Variants in ARHGEF2 observed in about 807,000 individuals in gnomAD.
ARHGEF2 encodes Rho/Rac guanine nucleotide exchange factor 2, also known as rho guanine nucleotide exchange factor 2.
ARHGEF2 carries 22 observed loss-of-function variants against 121.0 expected under a neutral mutation model. The observed-to-expected ratio is 0.18, with a 90% CI of 0.13 to 0.26. The LOEUF (loss-of-function observed/expected upper bound fraction) is 0.26. ARHGEF2 is among the 10% of genes least tolerant of loss of function. ARHGEF2 has a pLI of 1.00. For synonymous variants in ARHGEF2, 487 were observed against 530.0 expected, an observed-to-expected ratio of 0.92 and a Z score of 1.11; for missense variants, 907 against 1,336.0, an observed-to-expected ratio of 0.68 and a Z score of 5.01.
At position 155,951,353 on chromosome 1, in the gene ARHGEF2, A is replaced by T; in HGVS notation, c.2260-81T>A. Reference sequence around the variant, plus strand: ...CTCGCCTTCACCCTCCAAGGCCCAGATCATCGCTCCTGGAGAGCTTGGATT... The same window carrying T: ...CTCGCCTTCACCCTCCAAGGCCCAGTTCATCGCTCCTGGAGAGCTTGGATT... On this transcript the variant is annotated intron_variant, in intron 19 of 21. Coordinates refer to ENST00000361247, the MANE Select transcript of ARHGEF2 (RefSeq NM_001162383.2). This position sits in a 1 kb window ranked among gnomAD's most constrained non-coding sequence, Gnocchi z 5.1. The T allele has an allele frequency of 6.4e-7, 1 of 1,565,666 alleles. No individual in the cohort carries two copies. Among genetic ancestry groups the T allele is most frequent in the East Asian group, 2.3e-5 (1 of 44,340 alleles).
chr1:155,961,085 G>A lies in ARHGEF2; in HGVS notation c.1468+576C>T, dbSNP rs1677810462. ...TGTCCTCCAGTCTGAGAGCTTCTTT[G>A]TCTTCCTCAGTAAAACTAGTAGCTC... is the stretch of plus-strand genomic sequence containing the variant. On this transcript the variant is annotated intron_variant, in intron 11 of 21. Coordinates refer to ENST00000361247, the MANE Select transcript of ARHGEF2 (RefSeq NM_001162383.2). This position sits in a 1 kb window ranked among gnomAD's most constrained non-coding sequence, Gnocchi z 4.7. Among the ~76,000 whole-genome samples, 1 of 152,084 alleles carries A rather than the reference G, an allele frequency of 6.6e-6. No individual in the cohort carries two copies.
chr1:155,947,278 T>G lies in ARHGEF2; in HGVS notation c.*664A>C. 1 of 440,276 alleles carries G rather than the reference T, an allele frequency of 2.3e-6. No individual in the cohort carries two copies. The highest frequency in any genetic ancestry group is 1.6e-5 in the South Asian group (1 of 62,514). The allele number at this position is 440,276 out of a possible 1,614,324, so 27.3% of individuals were successfully genotyped here. On this transcript the variant is annotated 3_prime_UTR_variant, in exon 22 of 22. Coordinates refer to ENST00000361247, the MANE Select transcript of ARHGEF2 (RefSeq NM_001162383.2). ...AAAACAAAAGAACAACAAAACATTCTGGTCCCTGTGGGTTTTTTCCCTCAC... is the reference window on the plus strand; with the variant it reads ...AAAACAAAAGAACAACAAAACATTCGGGTCCCTGTGGGTTTTTTCCCTCAC...
At position 155,951,765 on chromosome 1, in the gene ARHGEF2, T is replaced by C; in HGVS notation, c.2184A>G (p.Gly728=). The C allele has an allele frequency of 6.2e-7, 1 of 1,614,028 alleles. No individual in the cohort carries two copies. Among genetic ancestry groups the C allele is most frequent in the Non-Finnish European group, 8.5e-7 (1 of 1,180,010 alleles). Residue 728 remains glycine (G), a synonymous_variant, in exon 18 of 22, where the codon GGA becomes GGG. Coordinates refer to ENST00000361247, the MANE Select transcript of ARHGEF2 (RefSeq NM_001162383.2). This position sits in a 1 kb window ranked among gnomAD's most constrained non-coding sequence, Gnocchi z 5.1. ...DSDSSQRDRN[G]NQLRSPQEEA... ...CCTCTTGCGGTGATCTCAGCTGATT[T>C]CCATTTCGATCCTGCAGAAATGGGC...
At position 155,964,166 on chromosome 1, in the gene ARHGEF2, A is replaced by T. The variant is rs1558030422; in HGVS notation, c.724+822T>A. 1.7e-3 allele frequency among the ~76,000 whole-genome samples: 146 copies of T among 85,558 alleles called. 5 individuals are homozygous for T. The South Asian group carries it at 0.037, about 21-fold the overall frequency. 56.1% of individuals were successfully genotyped at this position (85,558 alleles called of 152,430 possible). ...CTTCAAAAAAAAAAAAAAAAAAAAAAAATATATATATATATATATATATAT... is the reference window on the plus strand; with the variant it reads ...CTTCAAAAAAAAAAAAAAAAAAAAATAATATATATATATATATATATATAT... On this transcript the variant is annotated intron_variant, in intron 7 of 21. Transcript: ENST00000361247.
Position 155,978,281 on chromosome 1 carries a change from G to T in ARHGEF2, c.63+84C>A. 7.3e-7 allele frequency: 1 copy of T among 1,374,738 alleles called. No homozygotes were observed. The allele number at this position is 1,374,738 out of a possible 1,614,324, so 85.2% of individuals were successfully genotyped here. A position where few individuals can be genotyped will look rare whatever the true frequency, so the allele number is the denominator to read the frequency against. Reference sequence around the variant, plus strand: ...GATTTTGGCGCCCAGAAAGCAGGCGGGGAGACAGGAGATGCACCGCGGGTG... The same window carrying T: ...GATTTTGGCGCCCAGAAAGCAGGCGTGGAGACAGGAGATGCACCGCGGGTG... On this transcript the variant is annotated intron_variant, in intron 1 of 21. Coordinates refer to ENST00000361247, the MANE Select transcript of ARHGEF2 (RefSeq NM_001162383.2). This position sits in a 1 kb window ranked among gnomAD's most constrained non-coding sequence, Gnocchi z 4.1.
At chr1:155,970,300 T>C (rs1472945760) in intron 1 of ARHGEF2, 30 of 985,556 alleles carry the variant, frequency 3.0e-5, no homozygotes, top group Non-Finnish European at 3.5e-5. Context: ...CCAGTGCCCC[T>C]GCCTCTGCAA....
At chr1:155,964,167 A>AATATATATATATATAT (rs869033599) in intron 7 of ARHGEF2, among the ~76,000 whole-genome samples, 1 of 91,238 alleles carries the variant, frequency 1.1e-5, no homozygotes, top group African/African-American at 6.1e-5. Flanking sequence ...AAAAAAAAAA[A>AATATATATATATATAT]ATATATATAT....
Position 155,978,507 on chromosome 1 carries a change from CG to C in ARHGEF2, c.-81del. On this transcript the variant is annotated 5_prime_UTR_variant, in exon 1 of 22. Transcript: ENST00000361247. The surrounding 1 kb of genome is among the most constrained non-coding windows in gnomAD (Gnocchi z 4.1). ...TTGGGGGAAGGCGGGGGGAGGGGTT[CG>C]GCCCGCACGCGTTGGTCTCGGGGAC... 7.5e-7 allele frequency: 1 copy of C among 1,327,628 alleles called. No homozygotes were observed. The highest frequency in any genetic ancestry group is 1.5e-5 in the African/African-American group (1 of 65,742). 82.2% of individuals were successfully genotyped at this position (1,327,628 alleles called of 1,614,324 possible).
chr1:155,974,796 C>T (rs1681032889), intron 1 of ARHGEF2, among the ~76,000 whole-genome samples: 2 of 152,074 alleles, frequency 1.3e-5, no homozygotes, highest in Non-Finnish European at 2.9e-5. Context: ...GGAACCCAGC[C>T]TGCCCCCTAC....
At chr1:155,966,182 C>G (rs977108602) in intron 4 of ARHGEF2, among the ~76,000 whole-genome samples, 11 of 152,120 alleles carry the variant, frequency 7.2e-5, no homozygotes, top group African/African-American at 2.4e-4. Context: ...CAGGCTGCGG[C>G]CAGGCTCAGG....
rs574156659 is a variant in ARHGEF2, at chr1:155,970,064, G to A, written c.64-764C>T. 448 of 985,372 alleles carry A rather than the reference G, an allele frequency of 4.5e-4. 4 individuals carry two copies. The South Asian group carries it at 0.013, about 28-fold the overall frequency. 61.0% of individuals were successfully genotyped at this position (985,372 alleles called of 1,614,324 possible). A position where few individuals can be genotyped will look rare whatever the true frequency, so the allele number is the denominator to read the frequency against. On this transcript the variant is annotated intron_variant, in intron 1 of 21. Transcript: ENST00000361247. ...GCCAGCCATCTTGGTTGCTTCCAGC[G>A]GAAAATCTCTCCTGCAGTCTAACTT...
At chr1:155,964,162 AAAAAAAT>A (rs1678673448) in intron 7 of ARHGEF2, among the ~76,000 whole-genome samples, 1 of 94,308 alleles carries the variant, frequency 1.1e-5, no homozygotes, top group African/African-American at 5.5e-5. Context: ...AAAAAAAAAA[AAAAAAAT>A]ATATATATAT....
chr1:155,964,167 A>AATATATATATATATATAT (rs869033599), intron 7 of ARHGEF2, among the ~76,000 whole-genome samples: 1 of 91,240 alleles, frequency 1.1e-5, no homozygotes, highest in African/African-American at 6.1e-5. Context: ...AAAAAAAAAA[A>AATATATATATATATATAT]ATATATATAT....
chr1:155,966,812 C>A lies in ARHGEF2; in HGVS notation c.276+8G>T. On this transcript the variant is annotated splice_region_variant and intron_variant, in intron 3 of 21. Coordinates refer to ENST00000361247, the MANE Select transcript of ARHGEF2 (RefSeq NM_001162383.2). ...TCCCCCAGCCCTCTGCCCTCCCTGC[C>A]GTCTCACCTTCTGCTTGACCTTGGT... 6.2e-7 allele frequency: 1 copy of A among 1,610,066 alleles called. No individual in the cohort carries two copies. Among genetic ancestry groups the A allele is most frequent in the Non-Finnish European group, 8.5e-7 (1 of 1,176,492 alleles).
At chr1:155,955,579 T>G (rs1029662074) in intron 13 of ARHGEF2, among the ~76,000 whole-genome samples, 67 of 152,210 alleles carry the variant, frequency 4.4e-4, no homozygotes, top group African/African-American at 1.5e-3. Flanking sequence ...GGTGGTAACC[T>G]CTCTATTTCC....
Position 155,964,176 on chromosome 1 carries a change from A to G in ARHGEF2, c.724+812T>C, listed in dbSNP as rs868231498. On this transcript the variant is annotated intron_variant, in intron 7 of 21. Transcript: ENST00000361247. ...AAAAAAAAAAAAAAAAAATATATAT[A>G]TATATATATATATATATATATACAT... 5.7e-3 allele frequency among the ~76,000 whole-genome samples: 544 copies of G among 95,418 alleles called. 17 individuals are homozygous for G. Among genetic ancestry groups the G allele is most frequent in the East Asian group, 0.039 (124 of 3,176 alleles). The allele number at this position is 95,418 out of a possible 152,430, so 62.6% of individuals were successfully genotyped here. A position where few individuals can be genotyped will look rare whatever the true frequency, so the allele number is the denominator to read the frequency against.
At chr1:155,952,265 G>C (rs781670474) in intron 15 of ARHGEF2, 30 bp from the exon 16 acceptor site, 1 of 1,612,928 alleles carries the variant, frequency 6.2e-7, no homozygotes. Context: ...GGTGAGAACA[G>C]GAATGACACA....
At position 155,954,982 on chromosome 1, in the gene ARHGEF2, C is replaced by T. The variant is rs770136072; in HGVS notation, c.1716-13G>A. 29 of 1,609,888 alleles carry T rather than the reference C, an allele frequency of 1.8e-5. No homozygotes were observed. The highest frequency in any genetic ancestry group is 2.3e-5 in the Non-Finnish European group (27 of 1,177,864). On this transcript the variant is annotated splice_polypyrimidine_tract_variant and intron_variant, in intron 13 of 21. Transcript: ENST00000361247. Reference sequence around the variant, plus strand: ...CCTGGATGGGCATCTGGAGGGGTAACAGGTCGCATGCCATTGAGAGACAGA... The same window carrying T: ...CCTGGATGGGCATCTGGAGGGGTAATAGGTCGCATGCCATTGAGAGACAGA...
rs758413213 is a variant in ARHGEF2, at chr1:155,957,850, T to A, written c.1578A>T (p.Leu526=). 2.5e-6 allele frequency: 4 copies of A among 1,614,206 alleles called. No homozygotes were observed. Among genetic ancestry groups the A allele is most frequent in the Non-Finnish European group, 2.5e-6 (3 of 1,180,018 alleles). Residue 526 remains leucine (L), a synonymous_variant, in exon 13 of 22, where the codon CTA becomes CTT. Coordinates refer to ENST00000361247, the MANE Select transcript of ARHGEF2 (RefSeq NM_001162383.2). The part of the protein sequence containing the change: ...DKPSVVSLQN[L]IVRDIANQEK... ...CCTGGTTGGCAATGTCTCGTACGAT[T>A]AGATTCTGCAGCGATACCACTGAAG...
Sources: gnomAD v4.1 joint callset for allele counts (sites outside exome capture counted in the v4.1 genomes callset) on GRCh38, gnomAD v4.1.1 for gene constraint, Gnocchi (gnomAD v3.1) non-coding constraint, MANE v1.5 for transcripts, NCBI Gene and HGNC (gene_info 2026-07-23, HGNC 2026-07-21) for gene names.